Variants in CCSER1 observed in about 807,000 individuals in gnomAD.
CCSER1 encodes serine-rich coiled-coil domain-containing protein 1.
CCSER1 carries 41 observed loss-of-function variants against 82.0 expected under a neutral mutation model. The ratio of observed to expected loss-of-function variants is 0.50; its 90% CI spans 0.39 to 0.65. The LOEUF is 0.65. CCSER1 is among the 30% of genes least tolerant of loss of function. The pLI is 0.00. For synonymous variants in CCSER1, 414 were observed against 383.9 expected, an observed-to-expected ratio of 1.08 and a Z score of -0.92; for missense variants, 1,119 against 1,064.2, an observed-to-expected ratio of 1.05 and a Z score of -0.72.
At chr4:91,277,377 T>C (rs1172185201) in intron 10 of CCSER1, among the ~76,000 whole-genome samples, 1 of 152,072 alleles carries the variant, frequency 6.6e-6, no homozygotes, top group Non-Finnish European at 1.5e-5. Context: ...ACTGATCTGT[T>C]CAGATTTTCT....
intron 10 of CCSER1, among the ~76,000 whole-genome samples, chr4:91,181,667 C>T (rs976938098): frequency 1.2e-4 from 18 of 152,160 alleles, no homozygotes; most frequent in African/African-American, 3.9e-4. Flanking sequence ...AGCTAAACAT[C>T]CCCTTAGGGG....
intron 8 of CCSER1, among the ~76,000 whole-genome samples, chr4:90,858,602 G>C (rs992619567): frequency 6.6e-6 from 1 of 151,902 alleles, no homozygotes; most frequent in African/African-American, 2.4e-5. Context: ...TGTTATTCAT[G>C]TGCTGAAGTG....
intron 6 of CCSER1, among the ~76,000 whole-genome samples, chr4:90,634,194 C>T (rs1056910172): frequency 2.6e-5 from 4 of 151,438 alleles, no homozygotes; most frequent in South Asian, 2.1e-4. Context: ...TCTATTCTAA[C>T]AAAATAGCCA....
chr4:90,830,120 G>A (rs552455588), intron 8 of CCSER1, among the ~76,000 whole-genome samples: 7 of 152,134 alleles, frequency 4.6e-5, no homozygotes, highest in Admixed American at 2.6e-4. Flanking sequence ...AACCATCACC[G>A]GACATTTCTA....
chr4:91,601,209 C>G lies in CCSER1; in HGVS notation c.*2152C>G, dbSNP rs905565579. On this transcript the variant is annotated 3_prime_UTR_variant, in exon 11 of 11. Coordinates refer to ENST00000509176, the MANE Select transcript of CCSER1 (RefSeq NM_001145065.2). ...TTGAATTATACTTTATAAAAATAAT[C>G]TATTTATAGAAGATCTGTCATTTAA... The G allele has an allele frequency of 6.6e-6, 1 of 151,920 alleles. No homozygotes were observed. Among genetic ancestry groups the G allele is most frequent in the East Asian group, 1.9e-4 (1 of 5,186 alleles). 9.4% of individuals were successfully genotyped at this position (151,920 alleles called of 1,614,324 possible).
intron 10 of CCSER1, among the ~76,000 whole-genome samples, chr4:91,294,899 C>G (rs754520824): frequency 1.3e-4 from 19 of 151,938 alleles, no homozygotes; most frequent in Non-Finnish European, 2.5e-4. Flanking sequence ...ATGCTACAGA[C>G]AGAGTACAAT....
At chr4:90,478,603 T>C (rs953429574) in intron 5 of CCSER1, among the ~76,000 whole-genome samples, 5 of 152,178 alleles carry the variant, frequency 3.3e-5, no homozygotes, top group African/African-American at 4.8e-5. Context: ...ATCCATTTAA[T>C]CTTCCCAACA....
Position 91,604,006 on chromosome 4 carries a change from A to C in CCSER1, c.*4949A>C, listed in dbSNP as rs1764894420. 1 of 151,762 alleles carries C rather than the reference A, an allele frequency of 6.6e-6. No individual in the cohort carries two copies. The highest frequency in any genetic ancestry group is 2.4e-5 in the African/African-American group (1 of 41,310). 9.4% of individuals were successfully genotyped at this position (151,762 alleles called of 1,614,324 possible). On this transcript the variant is annotated 3_prime_UTR_variant, in exon 11 of 11. Coordinates refer to ENST00000509176, the MANE Select transcript of CCSER1 (RefSeq NM_001145065.2). Reference sequence around the variant, plus strand: ...CTGGGGGTTAGGGCTTCAACATATGAATTTGGGGGGGGATATAAAAATTTA... The same window carrying C: ...CTGGGGGTTAGGGCTTCAACATATGCATTTGGGGGGGGATATAAAAATTTA...
chr4:90,951,813 G>T (rs72882875), intron 9 of CCSER1, among the ~76,000 whole-genome samples: 4,030 of 152,114 alleles, frequency 0.026, 116 homozygotes, highest in African/African-American at 0.076. Flanking sequence ...ATTGCAAGTA[G>T]AAAGTTGTAT....
chr4:90,606,188 C>T (rs562555029), intron 5 of CCSER1, among the ~76,000 whole-genome samples: 2 of 131,100 alleles, frequency 1.5e-5, no homozygotes, highest in African/African-American at 7.1e-5. Context: ...CTCTTCCTTG[C>T]CATGGGGAGA....
At chr4:90,904,487 A>T (rs1277896674) in intron 8 of CCSER1, among the ~76,000 whole-genome samples, 1 of 152,096 alleles carries the variant, frequency 6.6e-6, no homozygotes, top group East Asian at 1.9e-4. Flanking sequence ...TCCTTATACC[A>T]TAATTGCCAG....
chr4:91,480,211 A>G (rs1757832186), intron 10 of CCSER1, among the ~76,000 whole-genome samples: 2 of 152,090 alleles, frequency 1.3e-5, no homozygotes, highest in Non-Finnish European at 2.9e-5. Flanking sequence ...ATACATGTGC[A>G]TGTGTCTTTA....
At chr4:91,481,066 C>T (rs1297463011) in intron 10 of CCSER1, among the ~76,000 whole-genome samples, 1 of 131,584 alleles carries the variant, frequency 7.6e-6, no homozygotes, top group African/African-American at 2.8e-5. Context: ...CCTCCCTTCC[C>T]CTCCCCTCCC....
At chr4:91,428,782 C>A (rs1447588270) in intron 10 of CCSER1, among the ~76,000 whole-genome samples, 1 of 151,994 alleles carries the variant, frequency 6.6e-6, no homozygotes, top group East Asian at 1.9e-4. Flanking sequence ...CCTTTTGATA[C>A]ATTATTGCAT....
intron 8 of CCSER1, among the ~76,000 whole-genome samples, chr4:90,819,148 A>G (rs1278416162): frequency 6.6e-6 from 1 of 152,096 alleles, no homozygotes. Flanking sequence ...TCCTTGGTGC[A>G]TGCACATAGG....
chr4:90,344,563 G>T (rs772923416), intron 3 of CCSER1, among the ~76,000 whole-genome samples: 2 of 152,040 alleles, frequency 1.3e-5, no homozygotes, highest in African/African-American at 2.4e-5. Context: ...AATGCATTTA[G>T]TACCCCCATA....
chr4:90,564,133 ATTTT>A (rs144289548), intron 5 of CCSER1, among the ~76,000 whole-genome samples: 47 of 151,892 alleles, frequency 3.1e-4, no homozygotes, highest in African/African-American at 1.1e-3. Context: ...TTTGTAATTT[ATTTT>A]TTATTAATTA....
chr4:91,277,526 C>CTTTTTTTTTTTTTTTTTGGTTTTTTTTT (rs552319172), intron 10 of CCSER1, among the ~76,000 whole-genome samples: 1 of 100,028 alleles, frequency 1.0e-5, no homozygotes, highest in Admixed American at 9.6e-5. Flanking sequence ...CCATTTTGTC[C>CTTTTTTTTTTTTTTTTTGGTTTTTTTTT]TTTTTTTTTT....
chr4:90,804,788 A>C (rs1008718110), intron 7 of CCSER1, among the ~76,000 whole-genome samples: 3 of 152,196 alleles, frequency 2.0e-5, no homozygotes, highest in Non-Finnish European at 2.9e-5. Flanking sequence ...AACCTGGGAC[A>C]AACTACCCAA....
Sources: gnomAD v4.1 joint callset for allele counts (sites outside exome capture counted in the v4.1 genomes callset) on GRCh38, gnomAD v4.1.1 for gene constraint, MANE v1.5 for transcripts, NCBI Gene and HGNC (gene_info 2026-07-23, HGNC 2026-07-21) for gene names.